Variants in CHMP4B observed in about 807,000 individuals in gnomAD.
CHMP4B encodes charged multivesicular body protein 4B.
CHMP4B carries 1 observed loss-of-function variant against 25.1 expected under a neutral mutation model. That is an observed-to-expected ratio of 0.04 (90% confidence interval 0.01 to 0.19). The LOEUF (loss-of-function observed/expected upper bound fraction) is 0.19. Ranked by LOEUF, CHMP4B falls within the 10% of genes least tolerant of loss-of-function variation. CHMP4B has a pLI of 1.00. For synonymous variants in CHMP4B, 101 were observed against 115.6 expected (o/e 0.87, Z 0.81); for missense variants, 151 against 289.7 (o/e 0.52, Z 3.48).
chr20:33,839,467 T>C (rs540160048), intron 1 of CHMP4B, among the ~76,000 whole-genome samples: 181 of 152,214 alleles, frequency 1.2e-3, no homozygotes, highest in African/African-American at 4.1e-3. Context: ...TCGACCTAAG[T>C]GTAGAGAGGA....
rs140336790 is a variant in CHMP4B at position 33,848,964 on chromosome 20, C to T, written c.368+320C>T. Among the ~76,000 whole-genome samples the T allele has an allele frequency of 2.5e-3, 375 of 152,254 alleles. 2 individuals are homozygous for T. Among genetic ancestry groups the T allele is most frequent in the African/African-American group, 7.9e-3 (329 of 41,538 alleles). On this transcript the variant is annotated intron_variant, in intron 2 of 4. Coordinates refer to ENST00000217402, the MANE Select transcript of CHMP4B (RefSeq NM_176812.5). ...GGAAGCTGTGTCCCAGAGAGGGAAG[C>T]GGATTTGCCCTGTGTGACATGGGAG...
chr20:33,826,071 ACT>A (rs1222774576), intron 1 of CHMP4B, among the ~76,000 whole-genome samples: 2 of 152,092 alleles, frequency 1.3e-5, no homozygotes, highest in African/African-American at 4.8e-5. Flanking sequence ...CCCTCCAGGA[ACT>A]CCCTGTCTGG....
intron 4 of CHMP4B, 22 bp downstream of exon 4, chr20:33,852,225 G>A (rs201572701): frequency 9.6e-5 from 155 of 1,613,894 alleles, no homozygotes; most frequent in Non-Finnish European, 1.3e-4. Flanking sequence ...TAGAGTCATG[G>A]CACACCGTGA....
intron 1 of CHMP4B, among the ~76,000 whole-genome samples, chr20:33,844,950 G>A (rs1486173538): frequency 1.3e-5 from 2 of 152,084 alleles, no homozygotes; most frequent in Non-Finnish European, 2.9e-5. Flanking sequence ...TAGTAGAGAT[G>A]GGGTTTCACC....
intron 4 of CHMP4B, among the ~76,000 whole-genome samples, chr20:33,852,715 G>GT (rs1186341707): frequency 6.6e-6 from 1 of 152,144 alleles, no homozygotes; most frequent in African/African-American, 2.4e-5. Context: ...GTGTGAGAGC[G>GT]TGAGTCCAGG....
intron 1 of CHMP4B, among the ~76,000 whole-genome samples, chr20:33,840,594 G>T (rs1979511563): frequency 1.3e-5 from 2 of 152,226 alleles, no homozygotes; most frequent in African/African-American, 4.8e-5. Flanking sequence ...AGGGGTTGAT[G>T]AAGCTGGCAT....
At chr20:33,817,839 A>G (rs1978824861) in intron 1 of CHMP4B, among the ~76,000 whole-genome samples, 1 of 152,180 alleles carries the variant, frequency 6.6e-6, no homozygotes, top group Non-Finnish European at 1.5e-5. Context: ...AGCAATGGGA[A>G]ACTACAGATC....
intron 1 of CHMP4B, among the ~76,000 whole-genome samples, chr20:33,821,281 A>G (rs1978932092): frequency 6.6e-6 from 1 of 151,534 alleles, no homozygotes; most frequent in South Asian, 2.1e-4. Context: ...CAGCTACTTG[A>G]GAGGCTAAAG....
intron 1 of CHMP4B, among the ~76,000 whole-genome samples, chr20:33,820,308 CAG>C (rs1978904887): frequency 6.6e-6 from 1 of 152,166 alleles, no homozygotes; most frequent in South Asian, 2.1e-4. Context: ...GATTTTAAAA[CAG>C]ATCTGGATAT....
At chr20:33,824,621 G>A (rs555882409) in intron 1 of CHMP4B, among the ~76,000 whole-genome samples, 68 of 152,194 alleles carry the variant, frequency 4.5e-4, no homozygotes, top group African/African-American at 1.5e-3. Flanking sequence ...ATCTTTTCCC[G>A]CAATAAGCTC....
At chr20:33,822,903 T>A (rs1978982863) in intron 1 of CHMP4B, among the ~76,000 whole-genome samples, 1 of 152,064 alleles carries the variant, frequency 6.6e-6, no homozygotes, top group African/African-American at 2.4e-5. Context: ...CATGCCATTC[T>A]CCTGCCTCAG....
At position 33,853,703 on chromosome 20, in the gene CHMP4B, G is replaced by A; in HGVS notation, c.*143G>A. ...CACTCCAAAGCAGTAGGGCCGCGTT[G>A]CTGCTCACTCTCTGCATAGCATGGT... is the stretch of plus-strand genomic sequence containing the variant. On this transcript the variant is annotated 3_prime_UTR_variant, in exon 5 of 5. Transcript: ENST00000217402. 2.2e-6 allele frequency: 1 copy of A among 452,290 alleles called. No homozygotes were observed. Among genetic ancestry groups the A allele is most frequent in the South Asian group, 1.6e-5 (1 of 62,974 alleles). 28.0% of individuals were successfully genotyped at this position (452,290 alleles called of 1,614,324 possible).
chr20:33,852,031 C>T (rs913428723), intron 3 of CHMP4B, 46 bp from the exon 4 acceptor site: 9 of 1,612,410 alleles, frequency 5.6e-6, no homozygotes, highest in Non-Finnish European at 7.6e-6. Context: ...ACCGCGGGGG[C>T]TGGGATTCCC....
chr20:33,851,133 T>C, intron 3 of CHMP4B, 67 bp downstream of exon 3: 1 of 983,968 alleles, frequency 1.0e-6, no homozygotes, highest in Non-Finnish European at 1.6e-6. Flanking sequence ...CTTGATGTGC[T>C]CTTGAAGGCT....
chr20:33,830,934 T>C (rs551123869), intron 1 of CHMP4B, among the ~76,000 whole-genome samples: 14 of 77,304 alleles, frequency 1.8e-4, no homozygotes, highest in African/African-American at 6.6e-4. Flanking sequence ...AGGAACAGAG[T>C]TTTTTTTTTT....
intron 3 of CHMP4B, 60 bp from the exon 4 acceptor site, chr20:33,852,017 C>T: frequency 1.2e-6 from 2 of 1,610,440 alleles, no homozygotes; most frequent in Non-Finnish European, 1.7e-6. Flanking sequence ...AGGTAGGAGG[C>T]ATGACCGCGG....
intron 1 of CHMP4B, among the ~76,000 whole-genome samples, chr20:33,822,908 C>G (rs1486012444): frequency 1.3e-5 from 2 of 152,060 alleles, no homozygotes; most frequent in Non-Finnish European, 2.9e-5. Flanking sequence ...CATTCTCCTG[C>G]CTCAGCCTCC....
At chr20:33,811,799 C>T (rs1978626225) in intron 1 of CHMP4B, 141 bp downstream of exon 1, 3 of 849,650 alleles carry the variant, frequency 3.5e-6, no homozygotes, top group East Asian at 2.7e-5. Flanking sequence ...GGGTCTGGGA[C>T]CCCCTCCCCG....
At chr20:33,844,445 C>T (rs896384274) in intron 1 of CHMP4B, among the ~76,000 whole-genome samples, 1 of 152,034 alleles carries the variant, frequency 6.6e-6, no homozygotes, top group Non-Finnish European at 1.5e-5. Context: ...TTATTTCATT[C>T]GGGGTGGGGA....
Sources: allele counts gnomAD v4.1 joint callset (sites outside exome capture counted in the v4.1 genomes callset), GRCh38; gene constraint gnomAD v4.1.1; transcripts MANE v1.5; gene names NCBI Gene and HGNC (gene_info 2026-07-23, HGNC 2026-07-21).